Variants in PEBP4 observed in about 807,000 individuals in gnomAD.
The protein encoded by PEBP4 is phosphatidylethanolamine-binding protein 4.
Under a neutral mutation model 23.9 loss-of-function variants are expected in PEBP4, and 22 were observed. The observed-to-expected ratio is 0.92, with a 90% CI of 0.66 to 1.31. PEBP4 has a LOEUF of 1.31. PEBP4 is among the 40% of genes most tolerant of loss of function. The pLI is 0.00. For missense variants in PEBP4, 324 were observed against 281.7 expected (o/e 1.15, Z -1.07); for synonymous variants, 112 against 99.3 (o/e 1.13, Z -0.76).
At chr8:22,820,995 C>A (rs747366389) in intron 3 of PEBP4, among the ~76,000 whole-genome samples, 2 of 151,858 alleles carry the variant, frequency 1.3e-5, no homozygotes, top group Admixed American at 1.3e-4. Flanking sequence ...GGAGTTCAGA[C>A]CCACCTGGGC....
intron 4 of PEBP4, among the ~76,000 whole-genome samples, chr8:22,748,913 C>A (rs896601177): frequency 6.6e-6 from 1 of 152,124 alleles, no homozygotes; most frequent in Non-Finnish European, 1.5e-5. Flanking sequence ...TTGGGTACCT[C>A]TGAACTCTGG....
At chr8:22,756,473 G>T (rs961546804) in intron 4 of PEBP4, among the ~76,000 whole-genome samples, 2 of 152,156 alleles carry the variant, frequency 1.3e-5, no homozygotes, top group Non-Finnish European at 2.9e-5. Context: ...ACCCTCTGCT[G>T]GATGCATCTC....
chr8:22,728,607 CCTT>C (rs879707649), intron 4 of PEBP4, among the ~76,000 whole-genome samples: 12,781 of 119,382 alleles, frequency 0.11, 844 homozygotes, highest in South Asian at 0.15. Flanking sequence ...TTCCTTCCTT[CCTT>C]CCCTTTTTTT....
In PEBP4 at chr8:22,733,872, A is replaced by G. The variant is rs930616454; in HGVS notation, c.358-6652T>C. Among the ~76,000 whole-genome samples the G allele has an allele frequency of 2.6e-4, 39 of 149,930 alleles. No individual in the cohort carries two copies. In the East Asian group the frequency reaches 7.0e-3, roughly 27 times the overall value. On this transcript the variant is annotated intron_variant, in intron 4 of 6. Transcript: ENST00000256404. ...GGGTGGGGATGGGGGGACAGGCATC[A>G]GAAGAGTCCCTAACTTGAAAGGTGA...
intron 3 of PEBP4, among the ~76,000 whole-genome samples, chr8:22,833,791 A>G (rs574262174): frequency 6.6e-6 from 1 of 152,330 alleles, no homozygotes; most frequent in Non-Finnish European, 1.5e-5. Context: ...TCTTCAAGCT[A>G]CCAAGGCTGG....
At chr8:22,730,991 G>A (rs997852782) in intron 4 of PEBP4, among the ~76,000 whole-genome samples, 3 of 152,152 alleles carry the variant, frequency 2.0e-5, no homozygotes, top group African/African-American at 7.2e-5. Context: ...CCCCAGCCCA[G>A]ACTCCAGATG....
chr8:22,759,783 G>T (rs7833213), intron 4 of PEBP4, among the ~76,000 whole-genome samples: 1 of 152,000 alleles, frequency 6.6e-6, no homozygotes, highest in African/African-American at 2.4e-5. Context: ...TACCCGTGCC[G>T]TCTCATGGCT....
At position 22,713,332 on chromosome 8, in the gene PEBP4, G is replaced by A; in HGVS notation, c.*38C>T. ...TCCATACCCACATCGTCGGTGGTGG[G>A]CAGTGTGGCCACATGCCCGGATGGC... is the stretch of plus-strand genomic sequence containing the variant. On this transcript the variant is annotated 3_prime_UTR_variant, in exon 7 of 7. Transcript: ENST00000256404. 3 of 1,541,334 alleles carry A rather than the reference G, an allele frequency of 1.9e-6. No individual in the cohort carries two copies. Among genetic ancestry groups the A allele is most frequent in the Non-Finnish European group, 2.6e-6 (3 of 1,145,818 alleles).
At chr8:22,894,341 G>A (rs1216493295) in intron 3 of PEBP4, among the ~76,000 whole-genome samples, 1 of 152,144 alleles carries the variant, frequency 6.6e-6, no homozygotes, top group East Asian at 1.9e-4. Context: ...GGAAGCCAAG[G>A]CAGATGGATG....
At chr8:22,744,044 A>G (rs545511498) in intron 4 of PEBP4, among the ~76,000 whole-genome samples, 1 of 152,368 alleles carries the variant, frequency 6.6e-6, no homozygotes, top group African/African-American at 2.4e-5. Context: ...GTATTTTTAA[A>G]GAGATACTTG....
At chr8:22,834,644 G>T (rs532240731) in intron 3 of PEBP4, among the ~76,000 whole-genome samples, 1 of 152,278 alleles carries the variant, frequency 6.6e-6, no homozygotes, top group East Asian at 1.9e-4. Context: ...CCATATTCTG[G>T]CCCAGAATAT....
At chr8:22,939,033 T>C (rs1809576462) in intron 1 of PEBP4, among the ~76,000 whole-genome samples, 1 of 152,232 alleles carries the variant, frequency 6.6e-6, no homozygotes, top group East Asian at 1.9e-4. Context: ...TGTTGCTTTT[T>C]ATGTACCTTT....
intron 3 of PEBP4, among the ~76,000 whole-genome samples, chr8:22,880,956 C>T (rs1563247622): frequency 6.6e-6 from 1 of 152,260 alleles, no homozygotes; most frequent in South Asian, 2.1e-4. Context: ...CACCACCCTT[C>T]CTGCTCTGCT....
chr8:22,725,575 A>C, intron 5 of PEBP4, among the ~76,000 whole-genome samples: 2 of 141,452 alleles, frequency 1.4e-5, no homozygotes, highest in South Asian at 2.5e-4. Context: ...GGGCGGGGGA[A>C]GTGGGGTGGG....
intron 3 of PEBP4, among the ~76,000 whole-genome samples, chr8:22,846,509 T>C (rs1302223368): frequency 2.4e-4 from 36 of 152,168 alleles, no homozygotes; most frequent in Admixed American, 2.2e-3. Context: ...ACCTTTTCAC[T>C]TGGCTGCTGA....
At chr8:22,921,060 G>T (rs1809189401) in intron 2 of PEBP4, among the ~76,000 whole-genome samples, 1 of 152,254 alleles carries the variant, frequency 6.6e-6, no homozygotes, top group Non-Finnish European at 1.5e-5. Flanking sequence ...AGGCAACAGA[G>T]CCTGCAGGGC....
intron 2 of PEBP4, among the ~76,000 whole-genome samples, chr8:22,926,320 C>T (rs7818309): frequency 0.97 from 148,013 of 152,232 alleles, 72,110 homozygotes; most frequent in Middle Eastern, 1. Context: ...TATACTGACA[C>T]GAACAAAGTT....
At chr8:22,837,155 C>T (rs553005164) in intron 3 of PEBP4, among the ~76,000 whole-genome samples, 3 of 152,170 alleles carry the variant, frequency 2.0e-5, no homozygotes, top group Non-Finnish European at 4.4e-5. Context: ...CTCACCTTTC[C>T]CCATCCTTTC....
At chr8:22,765,119 TC>T (rs1278112361) in intron 4 of PEBP4, among the ~76,000 whole-genome samples, 1 of 138,552 alleles carries the variant, frequency 7.2e-6, no homozygotes, top group African/African-American at 2.9e-5. Context: ...CTTTATTTCT[TC>T]CTTCCTTCCT....
Sources: allele counts gnomAD v4.1 joint callset (sites outside exome capture counted in the v4.1 genomes callset), GRCh38; gene constraint gnomAD v4.1.1; transcripts MANE v1.5; gene names NCBI Gene and HGNC (gene_info 2026-07-23, HGNC 2026-07-21).